SLCO2A1: variants seen among roughly 807,000 people sequenced by gnomAD.
SLCO2A1 encodes the protein solute carrier organic anion transporter family member 2A1, also known as matrin F/G 1.
Under a neutral mutation model 71.7 loss-of-function variants are expected in SLCO2A1, and 60 were observed. That is an observed-to-expected ratio of 0.84 (90% CI 0.68 to 1.04). The LOEUF (loss-of-function observed/expected upper bound fraction) is 1.04. Among genes scored for constraint, SLCO2A1 ranks in the 50% least tolerant of loss-of-function variants. The pLI is 0.00. For synonymous variants in SLCO2A1, 308 were observed against 326.7 expected, an observed-to-expected ratio of 0.94 and a Z score of 0.62; for missense variants, 745 against 813.4, an observed-to-expected ratio of 0.92 and a Z score of 1.02.
rs559774063 is a variant in SLCO2A1, at chr3:133,934,616, T to C, written c.*97A>G. ...TGGGGTTTTCTTTCTTGTTTAAAAA[T>C]ACAAAAAGGAAATGACGTGTTAACA... On this transcript the variant is annotated 3_prime_UTR_variant, in exon 14 of 14. Transcript: ENST00000310926. 14 of 886,384 alleles carry C rather than the reference T, an allele frequency of 1.6e-5. No individual in the cohort carries two copies. In the African/African-American group the frequency reaches 2.2e-4, roughly 14 times the overall value. 54.9% of individuals were successfully genotyped at this position (886,384 alleles called of 1,614,324 possible).
chr3:133,934,534 C>T lies in SLCO2A1; in HGVS notation c.*179G>A. 1 of 538,350 alleles carries T rather than the reference C, an allele frequency of 1.9e-6. No homozygotes were observed. Among genetic ancestry groups the T allele is most frequent in the East Asian group, 3.3e-5 (1 of 30,282 alleles). The allele number at this position is 538,350 out of a possible 1,614,324, so 33.3% of individuals were successfully genotyped here. A position where few individuals can be genotyped will look rare whatever the true frequency, so the allele number is the denominator to read the frequency against. On this transcript the variant is annotated 3_prime_UTR_variant, in exon 14 of 14. Transcript: ENST00000310926. ...CCACACAGCCCGGGTACACAGTGGC[C>T]CTTAGGAACTGTGGGGAGGACTCTG...
In SLCO2A1 at chr3:134,029,817, G is replaced by C; in HGVS notation, c.-15C>G. On this transcript the variant is annotated 5_prime_UTR_variant, in exon 1 of 14. Transcript: ENST00000310926. ...AGGAGCCCCATGGCTGCGGGCGGCT[G>C]GCCGGGCGCGGAGTGGCGCGGGGTC... The C allele has an allele frequency of 7.1e-7, 1 of 1,400,384 alleles. No homozygotes were observed. The highest frequency in any genetic ancestry group is 9.3e-7 in the Non-Finnish European group (1 of 1,079,632). 86.7% of individuals were successfully genotyped at this position (1,400,384 alleles called of 1,614,324 possible). A position where few individuals can be genotyped will look rare whatever the true frequency, so the allele number is the denominator to read the frequency against.
At chr3:133,993,462 C>A (rs551201354) in intron 1 of SLCO2A1, among the ~76,000 whole-genome samples, 1 of 152,014 alleles carries the variant, frequency 6.6e-6, no homozygotes, top group African/African-American at 2.4e-5. Context: ...AGGGTCTGGG[C>A]TTTAGATACC....
rs186581630 is a variant in SLCO2A1, at chr3:134,019,106, C to A, written c.96+10601G>T. Among the ~76,000 whole-genome samples the A allele has an allele frequency of 9.2e-5, 14 of 152,258 alleles. No individual in the cohort carries two copies. In the East Asian group the frequency reaches 2.5e-3, roughly 27 times the overall value. ...CCACTGGCCACTGGGAATAAGCACA[C>A]CCCTGCTAAACCAGTGTTAAACAGC... On this transcript the variant is annotated intron_variant, in intron 1 of 13. Transcript: ENST00000310926.
chr3:133,940,128 C>T (rs924526714), intron 11 of SLCO2A1, among the ~76,000 whole-genome samples: 4 of 152,082 alleles, frequency 2.6e-5, no homozygotes, highest in Admixed American at 1.3e-4. Flanking sequence ...TCACCATGCC[C>T]GGCTAACTTT....
chr3:133,949,327 A>C, intron 6 of SLCO2A1: 1 of 263,290 alleles, frequency 3.8e-6, no homozygotes, highest in Non-Finnish European at 7.4e-6. Flanking sequence ...CTACCCTCAG[A>C]TTCCAGGGGA....
Position 133,948,573 on chromosome 3 carries a change from C to G in SLCO2A1, c.1068G>C (p.Gln356His). The G allele has an allele frequency of 6.2e-7, 1 of 1,614,130 alleles. No individual in the cohort carries two copies. The highest frequency in any genetic ancestry group is 8.5e-7 in the Non-Finnish European group (1 of 1,179,996). The change falls in exon 8 of 14, where the codon CAG (glutamine) becomes CAC (histidine). Residue 356 changes from glutamine (Q) to histidine (H), a missense_variant. Transcript: ENST00000310926. ...STFLNKFLEKQYGTSAAYANF... is the reference protein window; with the variant it reads ...STFLNKFLEKHYGTSAAYANF... ...TGGCATAGGCTGCTGAGGTGCCATA[C>G]TGCTTCTCCAGGAACTTGTTGAGGA...
In SLCO2A1 at chr3:133,951,282, T is replaced by C. The variant is rs778860377; in HGVS notation, c.787A>G (p.Ile263Val). 1.9e-6 allele frequency: 3 copies of C among 1,614,032 alleles called. No homozygotes were observed. The Admixed American group carries it at 5.0e-5, about 27-fold the overall frequency. The change falls in exon 6 of 14, where the codon ATT (isoleucine) becomes GTT (valine). Residue 263 changes from isoleucine to valine, a missense_variant. Coordinates refer to ENST00000310926, the MANE Select transcript of SLCO2A1 (RefSeq NM_005630.3). ...GTGAGAACCAATAAAGCTGAAGAAA[T>C]GAGCAGGCCTAGCCACCAGGCTCCA... ...WIGAWWLGLL[I>V]SSALLVLTSF... is the part of the protein sequence containing the mutation.
intron 3 of SLCO2A1, among the ~76,000 whole-genome samples, chr3:133,965,594 C>T (rs1006524889): frequency 7.6e-6 from 1 of 132,070 alleles, no homozygotes; most frequent in East Asian, 2.3e-4. Flanking sequence ...AAATATGAAG[C>T]TTGACCGTAG....
At chr3:133,970,063 C>A (rs1270688669) in intron 3 of SLCO2A1, among the ~76,000 whole-genome samples, 3 of 152,214 alleles carry the variant, frequency 2.0e-5, no homozygotes, top group Non-Finnish European at 4.4e-5. Flanking sequence ...CCAGGCCATC[C>A]AGCCCATAAG....
At chr3:133,994,397 G>A (rs1311281564) in intron 1 of SLCO2A1, among the ~76,000 whole-genome samples, 2 of 152,144 alleles carry the variant, frequency 1.3e-5, no homozygotes, top group African/African-American at 4.8e-5. Flanking sequence ...TTTTTACCAA[G>A]ACTGCCAGTT....
rs1131597 is a variant in SLCO2A1 at position 133,933,562 on chromosome 3, C to T, written c.*1151G>A. 0.28 allele frequency: 42,235 copies of T among 152,130 alleles called. 6,089 individuals carry two copies. The highest frequency in any genetic ancestry group is 0.44 in the Middle Eastern group (128 of 294). The allele number at this position is 152,130 out of a possible 1,614,324, so 9.4% of individuals were successfully genotyped here. On this transcript the variant is annotated 3_prime_UTR_variant, in exon 14 of 14. Transcript: ENST00000310926. ...GCAGCTGTGTCTCTCAACCCAGGCA[C>T]CCACCTCTCTGGAGGCAGTGAGAAG...
chr3:133,938,363 C>T (rs1317580064), intron 12 of SLCO2A1, 66 bp downstream of exon 12: 5 of 1,373,530 alleles, frequency 3.6e-6, no homozygotes, highest in Non-Finnish European at 4.2e-6. Flanking sequence ...CTACCCTGCA[C>T]CCATAGCCTT....
chr3:134,000,551 G>A (rs537660813), intron 1 of SLCO2A1, among the ~76,000 whole-genome samples: 20 of 152,236 alleles, frequency 1.3e-4, no homozygotes, highest in African/African-American at 4.8e-4. Context: ...AGGAGCATTA[G>A]GAATAGATCA....
intron 4 of SLCO2A1, 45 bp downstream of exon 4, chr3:133,954,921 A>C: frequency 6.6e-7 from 1 of 1,514,508 alleles, no homozygotes; most frequent in Non-Finnish European, 9.1e-7. Context: ...GTGCTACATC[A>C]GGACCTCACC....
chr3:134,000,033 C>T (rs1331488074), intron 1 of SLCO2A1, among the ~76,000 whole-genome samples: 2 of 152,154 alleles, frequency 1.3e-5, no homozygotes, highest in East Asian at 1.9e-4. Context: ...TCCAGTCAGG[C>T]GGTGGCAGTG....
At chr3:133,935,175 G>A (rs1394575989) in intron 13 of SLCO2A1, among the ~76,000 whole-genome samples, 1 of 152,142 alleles carries the variant, frequency 6.6e-6, no homozygotes, top group Non-Finnish European at 1.5e-5. Context: ...TGCCCTCTTG[G>A]CCTGTCCCTT....
chr3:134,008,958 T>C (rs1935277312), intron 1 of SLCO2A1, among the ~76,000 whole-genome samples: 1 of 152,188 alleles, frequency 6.6e-6, no homozygotes, highest in South Asian at 2.1e-4. Context: ...GGTCAGTCCT[T>C]CTAGACAACC....
intron 1 of SLCO2A1, among the ~76,000 whole-genome samples, chr3:134,010,598 G>T (rs183104496): frequency 6.6e-6 from 1 of 151,858 alleles, no homozygotes; most frequent in African/African-American, 2.4e-5. Context: ...CTAAAAAAAC[G>T]CAAAAATTAG....
Sources: gnomAD v4.1 joint callset for allele counts (sites outside exome capture counted in the v4.1 genomes callset) on GRCh38, gnomAD v4.1.1 for gene constraint, MANE v1.5 for transcripts, NCBI Gene and HGNC (gene_info 2026-07-23, HGNC 2026-07-21) for gene names.